Variants in ODAD4 observed in about 807,000 individuals in gnomAD.
The protein encoded by ODAD4 is outer dynein arm-docking complex subunit 4.
ODAD4 carries 49 observed loss-of-function variants against 51.8 expected under a neutral mutation model. That is an observed-to-expected ratio of 0.95 (90% CI 0.75 to 1.20). The LOEUF is 1.20. Among genes scored for constraint, ODAD4 ranks in the 50% most tolerant of loss-of-function variants. ODAD4 has a pLI of 0.00. For synonymous variants in ODAD4, 235 were observed against 221.3 expected (o/e 1.06, Z -0.55); for missense variants, 590 against 586.5 (o/e 1.01, Z -0.06).
intron 8 of ODAD4, among the ~76,000 whole-genome samples, chr17:41,947,717 T>A (rs1208560020): frequency 6.8e-6 from 1 of 148,106 alleles, no homozygotes; most frequent in Non-Finnish European, 1.5e-5. Context: ...ATCACTTGAA[T>A]CTGGGAGGCG....
chr17:41,952,540 C>CAAAAA (rs11369140), intron 9 of ODAD4: 83 of 113,842 alleles, frequency 7.3e-4, no homozygotes, highest in Non-Finnish European at 8.3e-4. Context: ...ACCCTCACTC[C>CAAAAA]AAAAAAAAAA....
At chr17:41,954,951 C>T (rs2050709003) in intron 9 of ODAD4, 2 of 531,792 alleles carry the variant, frequency 3.8e-6, no homozygotes, top group East Asian at 4.1e-5. Context: ...ATGCACTAGA[C>T]TGCACCACAG....
chr17:41,939,159 A>G lies in ODAD4; in HGVS notation c.1045A>G (p.Ile349Val). The G allele has an allele frequency of 5.0e-6, 8 of 1,613,622 alleles. No individual in the cohort carries two copies. The highest frequency in any genetic ancestry group is 5.9e-6 in the Non-Finnish European group (7 of 1,179,748). Residue 349 changes from isoleucine to valine, a missense_variant, in exon 7 of 12, where the codon ATC becomes GTC. Around this residue, in one of 3 missense-constraint regions of ODAD4, gnomAD observed 226 missense variants for 162.7 expected, o/e 1.39. Transcript: ENST00000377540. Reference protein sequence around the residue: ...ALQSHRKDLEIAKEYDLPDAK... With the variant: ...ALQSHRKDLEVAKEYDLPDAK... ...GCAGAGCCACAGAAAGGACCTGGAG[A>G]TCGCCAAGGAATAGTGAGTGCCCTA... is the stretch of plus-strand genomic sequence containing the variant.
Position 41,965,023 on chromosome 17 carries a change from C to T in ODAD4, c.1559C>T (p.Thr520Ile). The T allele has an allele frequency of 2.8e-6, 2 of 720,724 alleles. No homozygotes were observed. Among genetic ancestry groups the T allele is most frequent in the Non-Finnish European group, 5.2e-6 (2 of 387,816 alleles). 44.6% of individuals were successfully genotyped at this position (720,724 alleles called of 1,614,324 possible). A position where few individuals can be genotyped will look rare whatever the true frequency, so the allele number is the denominator to read the frequency against. Reference protein sequence around the residue: ...EASLYEDRIITREKDMRRVRD... With the variant: ...EASLYEDRIIIREKDMRRVRD... ...TCACTGTATGAAGATAGAATAATAA[C>T]AAGAGAGAAGGACATGAGGAGAGTG... The change falls in exon 12 of 12, where the codon ACA becomes ATA. Residue 520 changes from threonine (T) to isoleucine (I), a missense_variant. Transcript: ENST00000377540.
intron 10 of ODAD4, among the ~76,000 whole-genome samples, chr17:41,960,743 G>A (rs557751728): frequency 2.6e-5 from 4 of 152,306 alleles, no homozygotes; most frequent in Admixed American, 1.3e-4. Context: ...GGAGGGAGGT[G>A]GGGGGTGGGC....
In ODAD4 at chr17:41,966,448, A is replaced by G. The variant is rs558806067; in HGVS notation, c.*965A>G. On this transcript the variant is annotated 3_prime_UTR_variant, in exon 12 of 12. Transcript: ENST00000377540. ...AAAAAAAAAGTTTTTAATTAATGCA[A>G]AAGTCCATGATGAATAAAATATCAA... Among the ~76,000 whole-genome samples, 6 of 152,376 alleles carry G rather than the reference A, an allele frequency of 3.9e-5. No homozygotes were observed. The South Asian group carries it at 1.2e-3, about 32-fold the overall frequency.
intron 1 of ODAD4, among the ~76,000 whole-genome samples, chr17:41,932,977 TC>T (rs1223643686): frequency 1.8e-4 from 27 of 152,132 alleles, no homozygotes; most frequent in African/African-American, 6.3e-4. Context: ...TTTTGAGACT[TC>T]CTGTAAGATC....
intron 10 of ODAD4, 56 bp from the exon 11 acceptor site, chr17:41,961,326 A>G: frequency 1.4e-6 from 1 of 712,838 alleles, no homozygotes; most frequent in African/African-American, 1.8e-5. Context: ...CTGGGTGGGG[A>G]AAATTAATGG....
chr17:41,942,204 A>G (rs1210674742), intron 7 of ODAD4, among the ~76,000 whole-genome samples: 3 of 152,124 alleles, frequency 2.0e-5, no homozygotes, highest in African/African-American at 7.2e-5. Context: ...CCAAAGTGCT[A>G]GGATGACAGG....
At chr17:41,957,571 G>A (rs1440996937) in intron 10 of ODAD4, among the ~76,000 whole-genome samples, 2 of 152,134 alleles carry the variant, frequency 1.3e-5, no homozygotes, top group Non-Finnish European at 2.9e-5. Flanking sequence ...CAGGAGACAA[G>A]AAATCTAGTG....
intron 10 of ODAD4, among the ~76,000 whole-genome samples, chr17:41,957,269 C>T (rs138972977): frequency 1.3e-5 from 2 of 152,262 alleles, no homozygotes; most frequent in African/African-American, 4.8e-5. Flanking sequence ...ACAGTTTTTC[C>T]ATGGACCGGT....
intron 9 of ODAD4, among the ~76,000 whole-genome samples, chr17:41,954,519 C>T (rs1156975558): frequency 6.6e-6 from 1 of 151,800 alleles, no homozygotes; most frequent in Non-Finnish European, 1.5e-5. Context: ...GTGCTTTGGT[C>T]TGCATATCAT....
In ODAD4 at chr17:41,935,672, G is replaced by A; in HGVS notation, c.320G>A (p.Gly107Asp). 1 of 1,613,762 alleles carries A rather than the reference G, an allele frequency of 6.2e-7. No homozygotes were observed. Among genetic ancestry groups the A allele is most frequent in the African/African-American group, 1.3e-5 (1 of 75,054 alleles). The change falls in exon 3 of 12, where the codon GGC (glycine) becomes GAC (aspartate). Residue 107 changes from glycine to aspartate, a missense_variant. This residue lies in a region of ODAD4 where 360 missense variants were observed against 407.5 expected (regional missense o/e 0.88). Transcript: ENST00000377540. ...FEFALVFYHRGYKLRPDREFR... is the reference protein window; with the variant it reads ...FEFALVFYHRDYKLRPDREFR... ...TTTGCCTTGGTATTCTATCATCGAG[G>A]CTACAAGCTGAGGCCTGATCGGGAA...
intron 9 of ODAD4, among the ~76,000 whole-genome samples, chr17:41,953,761 G>A (rs782490178): frequency 9.9e-5 from 15 of 151,768 alleles, no homozygotes; most frequent in Non-Finnish European, 2.2e-4. Context: ...TTGACCTTCT[G>A]GGATCAAGGG....
At position 41,935,521 on chromosome 17, in the gene ODAD4, A is replaced by G. The variant is rs375021540; in HGVS notation, c.247-78A>G. 4.7e-5 allele frequency: 72 copies of G among 1,544,528 alleles called. No homozygotes were observed. The Middle Eastern group carries it at 5.1e-4, about 11-fold the overall frequency. ...GTATTCCAACCTTGACCTTCAACCCAGGACCCTTCTGTTCCACCACATGTG... is the reference window on the plus strand; with the variant it reads ...GTATTCCAACCTTGACCTTCAACCCGGGACCCTTCTGTTCCACCACATGTG... On this transcript the variant is annotated intron_variant, in intron 2 of 11. Coordinates refer to ENST00000377540, the MANE Select transcript of ODAD4 (RefSeq NM_031421.5).
intron 1 of ODAD4, 75 bp from the exon 2 acceptor site, chr17:41,935,142 T>C (rs1358098058): frequency 2.5e-6 from 4 of 1,578,060 alleles, no homozygotes; most frequent in Non-Finnish European, 3.5e-6. Context: ...GCAGGAGGGT[T>C]TGGGCTGCCC....
At chr17:41,942,590 CA>C (rs1296717841) in intron 7 of ODAD4, among the ~76,000 whole-genome samples, 8 of 152,292 alleles carry the variant, frequency 5.3e-5, no homozygotes, top group African/African-American at 1.9e-4. Flanking sequence ...CAGTGTGGCC[CA>C]GGGGCCAAGG....
intron 9 of ODAD4, 37 bp from the exon 10 acceptor site, chr17:41,955,180 C>G (rs139554239): frequency 1.3e-6 from 1 of 756,416 alleles, no homozygotes; most frequent in African/African-American, 1.7e-5. Context: ...CGTTGTCACA[C>G]TCTACCTGTG....
At position 41,965,054 on chromosome 17, in the gene ODAD4, T is replaced by C. The variant is rs2050859327; in HGVS notation, c.1590T>C (p.Asp530=). 1 of 747,402 alleles carries C rather than the reference T, an allele frequency of 1.3e-6. No individual in the cohort carries two copies. The highest frequency in any genetic ancestry group is 1.7e-5 in the African/African-American group (1 of 58,302). 46.3% of individuals were successfully genotyped at this position (747,402 alleles called of 1,614,324 possible). Residue 530 remains aspartate, a synonymous_variant, in exon 12 of 12, where the codon GAT becomes GAC. Transcript: ENST00000377540. The part of the protein sequence containing the change: ...TREKDMRRVR[D]EPEKVVKQWD... Reference sequence around the variant, plus strand: ...AGAAGGACATGAGGAGAGTGAGAGATGAGCCCGAGAAGGTGGTGAAGCAGT... The same window carrying C: ...AGAAGGACATGAGGAGAGTGAGAGACGAGCCCGAGAAGGTGGTGAAGCAGT...
Sources: gnomAD v4.1 joint callset for allele counts (sites outside exome capture counted in the v4.1 genomes callset) on GRCh38, gnomAD v4.1.1 for gene constraint, gnomAD v4.1.1 regional missense constraint, MANE v1.5 for transcripts, NCBI Gene and HGNC (gene_info 2026-07-23, HGNC 2026-07-21) for gene names.